The following CLSTN3 variants were observed in gnomAD, a reference collection of about 807,000 sequenced individuals.
The protein encoded by CLSTN3 is calsyntenin-3.
A neutral mutation model predicts 95.9 loss-of-function variants in CLSTN3; 36 were observed. That is an observed-to-expected ratio of 0.38 (90% CI 0.29 to 0.50). The LOEUF is 0.50. Ranked by LOEUF, CLSTN3 falls within the 20% of genes least tolerant of loss-of-function variation. CLSTN3 has a pLI of 0.95. For missense variants in CLSTN3, 1,084 were observed against 1,268.8 expected (o/e 0.85, Z 2.21); for synonymous variants, 481 against 504.0 (o/e 0.95, Z 0.61).
intron 5 of CLSTN3, 43 bp downstream of exon 5, chr12:7,135,996 T>C (rs375116890): frequency 4.6e-4 from 713 of 1,563,950 alleles, no homozygotes; most frequent in Non-Finnish European, 5.6e-4. Context: ...ATCATCTTTT[T>C]TCTTGGTCTC....
chr12:7,138,747 G>A (rs1939474333), intron 8 of CLSTN3: 1 of 143,594 alleles, frequency 7.0e-6, no homozygotes, highest in Non-Finnish European at 1.5e-5. Context: ...CTGACCACAA[G>A]GACCAGTGAG....
intron 1 of CLSTN3, chr12:7,131,033 T>C: frequency 2.1e-6 from 1 of 476,318 alleles, no homozygotes; most frequent in Non-Finnish European, 3.9e-6. Flanking sequence ...ACCTCGGGTC[T>C]GGGAAGGACT....
chr12:7,130,847 A>T (rs1939285546), intron 1 of CLSTN3, 135 bp downstream of exon 1: 1 of 774,060 alleles, frequency 1.3e-6, no homozygotes, highest in South Asian at 1.5e-5. Context: ...CCTCCTTCCC[A>T]TCCGTTCTCA....
rs746314325 is a variant in CLSTN3 at position 7,133,006 on chromosome 12, T to G, written c.65-18T>G. ...CTGCTCACAGGTGCTTCCTCTCCTC[T>G]CCCTGGGGTGGGGCCAGCCAACAAG... On this transcript the variant is annotated intron_variant, in intron 1 of 17. Coordinates refer to ENST00000266546, the MANE Select transcript of CLSTN3 (RefSeq NM_014718.4). This position sits in a 1 kb window ranked among gnomAD's most constrained non-coding sequence, Gnocchi z 4.7. 1 of 1,612,818 alleles carries G rather than the reference T, an allele frequency of 6.2e-7. No homozygotes were observed. Among genetic ancestry groups the G allele is most frequent in the Non-Finnish European group, 8.5e-7 (1 of 1,179,470 alleles).
chr12:7,135,483 C>G lies in CLSTN3; in HGVS notation c.540C>G (p.Ile180Met). 1 of 1,614,156 alleles carries G rather than the reference C, an allele frequency of 6.2e-7. No individual in the cohort carries two copies. The highest frequency in any genetic ancestry group is 8.5e-7 in the Non-Finnish European group (1 of 1,180,022). The change falls in exon 4 of 18, where the codon ATC (isoleucine) becomes ATG (methionine). Residue 180 changes from isoleucine (I) to methionine (M), a missense_variant. Coordinates refer to ENST00000266546, the MANE Select transcript of CLSTN3 (RefSeq NM_014718.4). ...ACTGCTCCCCCCAGTACAGCCAGAT[C>G]TGCTACTATGAGATTCTCACACCCA... ...DGDCSPQYSQ[I>M]CYYEILTPNT...
intron 12 of CLSTN3, among the ~76,000 whole-genome samples, chr12:7,148,499 C>T (rs1939666324): frequency 6.6e-6 from 1 of 152,320 alleles, no homozygotes; most frequent in Non-Finnish European, 1.5e-5. Context: ...AAGAGGAGGA[C>T]ATCCTTTGAT....
intron 12 of CLSTN3, among the ~76,000 whole-genome samples, chr12:7,145,180 G>T (rs757784590): frequency 6.6e-6 from 1 of 152,130 alleles, no homozygotes; most frequent in African/African-American, 2.4e-5. Context: ...TTCATGCCCA[G>T]GATAGAGGTT....
chr12:7,138,091 G>T (rs757781176), intron 8 of CLSTN3, 24 bp downstream of exon 8: 1 of 1,570,938 alleles, frequency 6.4e-7, no homozygotes, highest in South Asian at 1.1e-5. Context: ...CAGGCTCCTG[G>T]GAGGGCTGAG....
chr12:7,155,169 A>G (rs2135818771), intron 16 of CLSTN3, among the ~76,000 whole-genome samples: 1 of 152,310 alleles, frequency 6.6e-6, no homozygotes, highest in East Asian at 1.9e-4. Flanking sequence ...GAGGTCATTC[A>G]AGGCCAGAAT....
rs372627212 is a variant in CLSTN3, at chr12:7,147,009, C to T, written c.1848-1963C>T. On this transcript the variant is annotated intron_variant, in intron 12 of 17. Transcript: ENST00000266546. ...CTCATCATGCCTACTGAGATGATGC[C>T]TTCTCCCTTTTTACTCCAGCATTCA... Among the ~76,000 whole-genome samples, 4 of 152,244 alleles carry T rather than the reference C, an allele frequency of 2.6e-5. No individual in the cohort carries two copies. In the East Asian group the frequency reaches 5.8e-4, roughly 22 times the overall value.
intron 3 of CLSTN3, chr12:7,134,030 T>G (rs1939358360): frequency 2.5e-6 from 1 of 392,784 alleles, no homozygotes; most frequent in Non-Finnish European, 4.5e-6. Context: ...CTGGACTTGC[T>G]TTTCCTTATC....
At position 7,133,740 on chromosome 12, in the gene CLSTN3, G is replaced by A. The variant is rs144627317; in HGVS notation, c.355G>A (p.Asp119Asn). 81 of 1,592,374 alleles carry A rather than the reference G, an allele frequency of 5.1e-5. No individual in the cohort carries two copies. In the African/African-American group the frequency reaches 6.0e-4, roughly 12 times the overall value. ...GGCCTATGACTGTGGCGAGGGCCCC[G>A]ACGGGGCCAACACCAAGAAGTCCCA... ...IQAYDCGEGP[D>N]GANTKKSHKA... Residue 119 changes from aspartate (D) to asparagine (N), a missense_variant, in exon 3 of 18, where the codon GAC (aspartate) becomes AAC (asparagine). By Grantham distance (23) the Asp-to-Asn change is conservative. Transcript: ENST00000266546. The surrounding 1 kb of genome is among the most constrained non-coding windows in gnomAD (Gnocchi z 4.7).
Position 7,142,948 on chromosome 12 carries a change from C to T in CLSTN3, c.1620C>T (p.Arg540=), listed in dbSNP as rs201623776. The change falls in exon 11 of 18, where the codon CGC becomes CGT. Residue 540 remains arginine, a synonymous_variant. Coordinates refer to ENST00000266546, the MANE Select transcript of CLSTN3 (RefSeq NM_014718.4). The part of the protein sequence containing the change: ...FSVRSGRLES[R]EVIECLYACR... ...TGCGCTCAGGTCGCCTGGAGAGCCG[C>T]GAGGTCATCGAGTGCCTCTATGCAT... The T allele has an allele frequency of 2.4e-5, 38 of 1,614,160 alleles. No homozygotes were observed. In the Admixed American group the frequency reaches 3.5e-4, roughly 15 times the overall value.
intron 8 of CLSTN3, among the ~76,000 whole-genome samples, chr12:7,139,294 C>T (rs1161979000): frequency 1.3e-5 from 2 of 152,140 alleles, no homozygotes; most frequent in East Asian, 1.9e-4. Flanking sequence ...AGATTGGGTG[C>T]TCCTGGGGGA....
chr12:7,150,402 A>T lies in CLSTN3; in HGVS notation c.2246-142A>T. On this transcript the variant is annotated intron_variant, in intron 14 of 17. Coordinates refer to ENST00000266546, the MANE Select transcript of CLSTN3 (RefSeq NM_014718.4). The surrounding 1 kb of genome is among the most constrained non-coding windows in gnomAD (Gnocchi z 4.0). The stretch of plus-strand genomic sequence containing the variant: ...ATGGAGGGGAGCATCCCTCCCTTCG[A>T]CCTCAGGTCGCACTTCTGCGGAGAT... 1.1e-6 allele frequency: 1 copy of T among 909,896 alleles called. No homozygotes were observed. Among genetic ancestry groups the T allele is most frequent in the Non-Finnish European group, 1.6e-6 (1 of 623,226 alleles). The allele number at this position is 909,896 out of a possible 1,614,324, so 56.4% of individuals were successfully genotyped here.
At chr12:7,154,678 G>A (rs773909175) in intron 16 of CLSTN3, among the ~76,000 whole-genome samples, 10 of 152,174 alleles carry the variant, frequency 6.6e-5, no homozygotes, top group Non-Finnish European at 8.8e-5. Flanking sequence ...TGGGAGCCAC[G>A]TGTCAGTGGT....
Position 7,150,774 on chromosome 12 carries a change from G to A in CLSTN3, c.2391+85G>A. On this transcript the variant is annotated intron_variant, in intron 15 of 17. Coordinates refer to ENST00000266546, the MANE Select transcript of CLSTN3 (RefSeq NM_014718.4). The surrounding 1 kb of genome is among the most constrained non-coding windows in gnomAD (Gnocchi z 4.0). The stretch of plus-strand genomic sequence containing the variant: ...CATGGACTCAAAATGTTAGTTGGTG[G>A]GCATGGACATGGCAGCGTGGAGGGC... The A allele has an allele frequency of 6.3e-7, 1 of 1,577,454 alleles. No homozygotes were observed. The highest frequency in any genetic ancestry group is 8.7e-7 in the Non-Finnish European group (1 of 1,154,780).
At chr12:7,155,486 C>T (rs991851900) in intron 16 of CLSTN3, among the ~76,000 whole-genome samples, 1 of 152,352 alleles carries the variant, frequency 6.6e-6, no homozygotes, top group African/African-American at 2.4e-5. Context: ...GGAAGTTCAC[C>T]TGCTTTGGCC....
intron 1 of CLSTN3, 87 bp downstream of exon 1, chr12:7,130,799 C>T (rs1455159438): frequency 4.1e-6 from 5 of 1,212,452 alleles, no homozygotes; most frequent in Non-Finnish European, 5.9e-6. Flanking sequence ...GTCGAGGCTC[C>T]CTGGCACCTG....
Sources: allele counts gnomAD v4.1 joint callset (sites outside exome capture counted in the v4.1 genomes callset), GRCh38; gene constraint gnomAD v4.1.1; non-coding constraint Gnocchi (gnomAD v3.1); transcripts MANE v1.5; gene names NCBI Gene and HGNC (gene_info 2026-07-23, HGNC 2026-07-21).